The following CDH2 variants were observed in gnomAD, a reference collection of about 807,000 sequenced individuals.
The protein encoded by CDH2 is cadherin 2.
A neutral mutation model predicts 92.0 loss-of-function variants in CDH2; 17 were observed. The ratio of observed to expected loss-of-function variants is 0.18; its 90% CI spans 0.13 to 0.28. CDH2 has a LOEUF of 0.28. CDH2 is among the 10% of genes least tolerant of loss of function. The pLI, the probability that CDH2 is intolerant of heterozygous loss-of-function variation, is 1.00. For synonymous variants in CDH2, 419 were observed against 415.9 expected (o/e 1.01, Z -0.09); for missense variants, 862 against 1,133.1 (o/e 0.76, Z 3.44).
Position 27,955,761 on chromosome 18 carries a change from G to GTTTTTTTTTTTTTTTTTTTT in CDH2, c.2515-3403_2515-3402insAAAAAAAAAAAAAAAAAAAA, listed in dbSNP as rs5823568. Among the ~76,000 whole-genome samples the GTTTTTTTTTTTTTTTTTTTT allele has an allele frequency of 8.0e-4, 89 of 111,648 alleles. 4 individuals are homozygous for GTTTTTTTTTTTTTTTTTTTT. The highest frequency in any genetic ancestry group is 1.3e-3 in the South Asian group (4 of 2,998). 73.2% of individuals were successfully genotyped at this position (111,648 alleles called of 152,430 possible). A position where few individuals can be genotyped will look rare whatever the true frequency, so the allele number is the denominator to read the frequency against. On this transcript the variant is annotated intron_variant, in intron 15 of 15. Coordinates refer to ENST00000269141, the MANE Select transcript of CDH2 (RefSeq NM_001792.5). ...ACAAATCTCTGTTTTCTTTATTTCT[G>GTTTTTTTTTTTTTTTTTTTT]TTTTTTTTTTTTTTTTTTTAAAGAG... is the stretch of plus-strand genomic sequence containing the variant.
Position 27,952,032 on chromosome 18 carries a change from A to T in CDH2, c.*121T>A. Reference sequence around the variant, plus strand: ...CCCAAATTGGTTTGCAGCCTATGCCAAAGCCTCCAGCAAGCACTGTGCTAG... The same window carrying T: ...CCCAAATTGGTTTGCAGCCTATGCCTAAGCCTCCAGCAAGCACTGTGCTAG... On this transcript the variant is annotated 3_prime_UTR_variant, in exon 16 of 16. Transcript: ENST00000269141. 3 of 872,600 alleles carry T rather than the reference A, an allele frequency of 3.4e-6. No individual in the cohort carries two copies. The highest frequency in any genetic ancestry group is 5.6e-6 in the Non-Finnish European group (3 of 539,346). 54.1% of individuals were successfully genotyped at this position (872,600 alleles called of 1,614,324 possible).
Position 27,963,349 on chromosome 18 carries a change from C to T in CDH2, c.2514+8G>A, listed in dbSNP as rs201848918. On this transcript the variant is annotated splice_region_variant and intron_variant, in intron 15 of 15. Transcript: ENST00000269141. The stretch of plus-strand genomic sequence containing the variant: ...ACTCTTATAGAGAAAACGAGTGTCT[C>T]TCTGTACCTCATTAATGAAGTCCCC... 9 of 1,613,676 alleles carry T rather than the reference C, an allele frequency of 5.6e-6. No homozygotes were observed. Among genetic ancestry groups the T allele is most frequent in the Non-Finnish European group, 7.6e-6 (9 of 1,179,830 alleles).
chr18:28,098,701 G>A (rs941798619), intron 2 of CDH2, among the ~76,000 whole-genome samples: 1 of 152,030 alleles, frequency 6.6e-6, no homozygotes, highest in Non-Finnish European at 1.5e-5. Context: ...GCACACAAAT[G>A]AGGAAACATG....
chr18:28,153,747 T>C (rs1293707100), intron 1 of CDH2, among the ~76,000 whole-genome samples: 3 of 152,200 alleles, frequency 2.0e-5, no homozygotes, highest in Non-Finnish European at 2.9e-5. Context: ...ATGAGAGGAT[T>C]AAATGAGTTA....
At chr18:28,007,165 A>AATATATATATATATATATAT (rs1555632742) in intron 5 of CDH2, among the ~76,000 whole-genome samples, 4 of 110,492 alleles carry the variant, frequency 3.6e-5, no homozygotes, top group Non-Finnish European at 5.1e-5. Flanking sequence ...ATAAAAAAAA[A>AATATATATATATATATATAT]ATATATATAT....
In CDH2 at chr18:28,014,309, G is replaced by GT. The variant is rs560751019; in HGVS notation, c.173-401dup. Among the ~76,000 whole-genome samples, 19 of 152,230 alleles carry GT rather than the reference G, an allele frequency of 1.2e-4. No homozygotes were observed. The South Asian group carries it at 3.7e-3, about 30-fold the overall frequency. ...CCCCCTTTTTCTCAGTCTTCATGTA[G>GT]TGATCTGAGCTCTGCTACCTCAGTT... On this transcript the variant is annotated intron_variant, in intron 2 of 15. Coordinates refer to ENST00000269141, the MANE Select transcript of CDH2 (RefSeq NM_001792.5).
chr18:28,024,593 AAATATATAC>A (rs1313388435), intron 2 of CDH2, among the ~76,000 whole-genome samples: 4 of 151,514 alleles, frequency 2.6e-5, no homozygotes, highest in African/African-American at 9.7e-5. Flanking sequence ...TAAAAGTTAA[AAATATATAC>A]AATATAATCA....
chr18:28,080,061 G>A (rs558941223), intron 2 of CDH2, among the ~76,000 whole-genome samples: 17 of 150,028 alleles, frequency 1.1e-4, no homozygotes, highest in South Asian at 1.0e-3. Context: ...GGTTCCTCAG[G>A]AAGAAGACAC....
At chr18:28,082,959 A>G (rs2014859778) in intron 2 of CDH2, among the ~76,000 whole-genome samples, 1 of 152,214 alleles carries the variant, frequency 6.6e-6, no homozygotes, top group Non-Finnish European at 1.5e-5. Flanking sequence ...CAACGAAAGT[A>G]GCAGAGTTTA....
intron 2 of CDH2, among the ~76,000 whole-genome samples, chr18:28,052,381 C>T (rs907126015): frequency 2.6e-5 from 4 of 151,982 alleles, no homozygotes; most frequent in African/African-American, 9.7e-5. Flanking sequence ...GTAGTAACAG[C>T]AAATGAAAAA....
intron 2 of CDH2, among the ~76,000 whole-genome samples, chr18:28,020,623 A>C (rs899092507): frequency 6.6e-6 from 1 of 152,014 alleles, no homozygotes; most frequent in African/African-American, 2.4e-5. Context: ...CAAAATATGA[A>C]GCAGTTTTAT....
chr18:28,176,847 T>C lies in CDH2; in HGVS notation c.60+116A>G, dbSNP rs35896910. On this transcript the variant is annotated intron_variant, in intron 1 of 15. Coordinates refer to ENST00000269141, the MANE Select transcript of CDH2 (RefSeq NM_001792.5). ...CCGCGCGGCGCGGCGCGGCGCGGCG[T>C]GGCACCTCCCTTCCCGGGTGCGCAG... The C allele has an allele frequency of 0.21, 85,301 of 400,768 alleles. 9,478 individuals are homozygous for C. Among genetic ancestry groups the C allele is most frequent in the Non-Finnish European group, 0.24 (72,178 of 297,064 alleles). The allele number at this position is 400,768 out of a possible 1,614,324, so 24.8% of individuals were successfully genotyped here.
chr18:28,073,489 C>T (rs960195789), intron 2 of CDH2, among the ~76,000 whole-genome samples: 3 of 152,030 alleles, frequency 2.0e-5, no homozygotes, highest in African/African-American at 7.2e-5. Flanking sequence ...ATTTTAAATT[C>T]TGCTTTTAAA....
At chr18:28,109,422 C>T (rs1275193597) in intron 2 of CDH2, among the ~76,000 whole-genome samples, 1 of 152,154 alleles carries the variant, frequency 6.6e-6, no homozygotes, top group Non-Finnish European at 1.5e-5. Flanking sequence ...TTTTTCTCCT[C>T]CTTACACAGT....
intron 2 of CDH2, among the ~76,000 whole-genome samples, chr18:28,070,728 G>A (rs2014601139): frequency 6.6e-6 from 1 of 152,190 alleles, no homozygotes; most frequent in African/African-American, 2.4e-5. Context: ...ACAACAAAGT[G>A]TAAACAAGTA....
At chr18:28,068,431 C>T (rs1487661449) in intron 2 of CDH2, among the ~76,000 whole-genome samples, 1 of 152,182 alleles carries the variant, frequency 6.6e-6, no homozygotes, top group Non-Finnish European at 1.5e-5. Flanking sequence ...AACAAACACA[C>T]ACACAAACAC....
At position 27,951,496 on chromosome 18, in the gene CDH2, G is replaced by A. The variant is rs1909445116; in HGVS notation, c.*657C>T. 1.3e-5 allele frequency: 2 copies of A among 152,300 alleles called. No homozygotes were observed. The highest frequency in any genetic ancestry group is 4.1e-4 in the South Asian group (2 of 4,828). The allele number at this position is 152,300 out of a possible 1,614,324, so 9.4% of individuals were successfully genotyped here. ...TGGAAAAATACAGAAATAAAAAAGT[G>A]TACATGGATTAAGACCAAAATGTGT... is the stretch of plus-strand genomic sequence containing the variant. On this transcript the variant is annotated 3_prime_UTR_variant, in exon 16 of 16. Coordinates refer to ENST00000269141, the MANE Select transcript of CDH2 (RefSeq NM_001792.5).
At chr18:27,970,168 T>A (rs570397358) in intron 14 of CDH2, among the ~76,000 whole-genome samples, 2 of 152,314 alleles carry the variant, frequency 1.3e-5, no homozygotes, top group Admixed American at 1.3e-4. Flanking sequence ...ACTGGAAATA[T>A]GAAATAATTT....
chr18:28,036,721 G>C, intron 2 of CDH2: 1 of 602,380 alleles, frequency 1.7e-6, no homozygotes, highest in Non-Finnish European at 2.9e-6. Context: ...GGCTCAAACA[G>C]AGCCCTTATT....
Sources: gnomAD v4.1 joint callset for allele counts (sites outside exome capture counted in the v4.1 genomes callset) on GRCh38, gnomAD v4.1.1 for gene constraint, MANE v1.5 for transcripts, NCBI Gene and HGNC (gene_info 2026-07-23, HGNC 2026-07-21) for gene names.